The following ASIC2 variants were observed in gnomAD, a reference collection of about 807,000 sequenced individuals.
ASIC2 encodes the protein acid-sensing ion channel 2.
Under a neutral mutation model 57.3 loss-of-function variants are expected in ASIC2, and 25 were observed. The ratio of observed to expected loss-of-function variants is 0.44; its 90% confidence interval spans 0.32 to 0.61. The LOEUF (loss-of-function observed/expected upper bound fraction) is 0.61, where lower values mean the gene tolerates loss of function less well. Ranked by LOEUF, ASIC2 falls within the 20% of genes least tolerant of loss-of-function variation. The pLI, the probability that ASIC2 is intolerant of heterozygous loss-of-function variation, is 0.06. For missense variants in ASIC2, 641 were observed against 738.1 expected (o/e 0.87, Z 1.52); for synonymous variants, 319 against 307.5 (o/e 1.04, Z -0.39).
chr17:33,335,660 C>T (rs1268091755), intron 1 of ASIC2, among the ~76,000 whole-genome samples: 1 of 152,200 alleles, frequency 6.6e-6, no homozygotes, highest in Non-Finnish European at 1.5e-5. Flanking sequence ...CCCGTGGCTA[C>T]CACCAGGGTC....
intron 1 of ASIC2, among the ~76,000 whole-genome samples, chr17:33,826,262 C>T (rs1017369805): frequency 5.9e-5 from 9 of 152,338 alleles, no homozygotes; most frequent in Admixed American, 2.6e-4. Context: ...ATAGAGCTTA[C>T]GTAAGCATAG....
rs73984085 is a variant in ASIC2, at chr17:33,638,556, T to G, written c.555+517422A>C. Among the ~76,000 whole-genome samples the G allele has an allele frequency of 9.6e-3, 1,450 of 151,190 alleles. 27 individuals carry two copies. The highest frequency in any genetic ancestry group is 0.034 in the African/African-American group (1,378 of 40,526). On this transcript the variant is annotated intron_variant, in intron 1 of 9. Coordinates refer to the ASIC2 transcript ENST00000359872. ...CCATTTGCATGAATGCATGCCTGCC[T>G]AGTTTGTACACACACACACACACAC... is the stretch of plus-strand genomic sequence containing the variant.
chr17:33,603,485 G>T (rs16968641), intron 1 of ASIC2, among the ~76,000 whole-genome samples: 5,190 of 152,270 alleles, frequency 0.034, 252 homozygotes, highest in African/African-American at 0.1. Flanking sequence ...TCCTCTGCCT[G>T]GGACTTGGCT....
intron 1 of ASIC2, among the ~76,000 whole-genome samples, chr17:33,389,594 T>C (rs375467045): frequency 6.6e-6 from 1 of 151,970 alleles, no homozygotes; most frequent in African/African-American, 2.4e-5. Context: ...TGAGGCTGGG[T>C]AGGAAATTAA....
At chr17:34,114,401 T>TGAGA (rs942440767) in intron 1 of ASIC2, among the ~76,000 whole-genome samples, 1 of 151,832 alleles carries the variant, frequency 6.6e-6, no homozygotes, top group African/African-American at 2.4e-5. Context: ...TCTGTGAGGG[T>TGAGA]GAGAGAGAGA....
intron 1 of ASIC2, among the ~76,000 whole-genome samples, chr17:33,978,832 C>T (rs940702723): frequency 8.5e-5 from 13 of 152,094 alleles, no homozygotes; most frequent in African/African-American, 3.1e-4. Flanking sequence ...AGTCCTGGTG[C>T]CTATGGAGGG....
chr17:33,416,160 G>A lies in ASIC2; in HGVS notation c.556-304093C>T, dbSNP rs547149272. Among the ~76,000 whole-genome samples, 5 of 152,308 alleles carry A rather than the reference G, an allele frequency of 3.3e-5. No individual in the cohort carries two copies. In the South Asian group the frequency reaches 1.0e-3, roughly 32 times the overall value. ...ATCAGTCATGCACATGTTCTGAGAT[G>A]TGACTATGCTGGAGGTCACTCACAC... On this transcript the variant is annotated intron_variant, in intron 1 of 9. Coordinates refer to the ASIC2 transcript ENST00000359872.
intron 1 of ASIC2, among the ~76,000 whole-genome samples, chr17:33,436,853 CTTTTTTTTTTTTTTT>C (rs71144877): frequency 0.081 from 5,408 of 66,778 alleles, 325 homozygotes; most frequent in African/African-American, 0.21. Flanking sequence ...ATTCCAACTT[CTTTTTTTTTTTTTTT>C]TTTTTTTTTT....
chr17:33,963,032 C>T (rs1210510188), intron 1 of ASIC2, among the ~76,000 whole-genome samples: 2 of 152,154 alleles, frequency 1.3e-5, no homozygotes, highest in South Asian at 4.1e-4. Flanking sequence ...GGTCTCTCCA[C>T]CTCCCAGGTT....
At chr17:33,311,539 A>T (rs1025568633) in intron 1 of ASIC2, among the ~76,000 whole-genome samples, 4 of 152,052 alleles carry the variant, frequency 2.6e-5, no homozygotes, top group Non-Finnish European at 5.9e-5. Context: ...TATTCAAATC[A>T]CAGGTAGGAA....
At chr17:33,464,475 C>CT (rs11367574) in intron 1 of ASIC2, among the ~76,000 whole-genome samples, 4,102 of 72,094 alleles carry the variant, frequency 0.057, 135 homozygotes, top group African/African-American at 0.1. Context: ...TTCTTTCTTT[C>CT]TTTTCTCTCT....
At chr17:33,882,666 G>A (rs561645591) in intron 1 of ASIC2, among the ~76,000 whole-genome samples, 1 of 152,324 alleles carries the variant, frequency 6.6e-6, no homozygotes, top group African/African-American at 2.4e-5. Flanking sequence ...TGGTGGGACT[G>A]TAAACTAGTT....
chr17:33,759,949 C>A (rs1356067363), intron 1 of ASIC2, among the ~76,000 whole-genome samples: 1 of 152,104 alleles, frequency 6.6e-6, no homozygotes, highest in Non-Finnish European at 1.5e-5. Flanking sequence ...CTAGTGGAGC[C>A]ATGGGAACAC....
Position 33,282,362 on chromosome 17 carries a change from C to G in ASIC2, c.708+9046G>C, listed in dbSNP as rs188030581. On this transcript the variant is annotated intron_variant, in intron 1 of 9. Transcript: ENST00000225823. ...CCTTGGCTTTTCCAGCATCTAGAGG[C>G]CATCCATCTTCCCTAACTTGTGCCC... is the stretch of plus-strand genomic sequence containing the variant. Among the ~76,000 whole-genome samples the G allele has an allele frequency of 2.7e-3, 418 of 152,244 alleles. 4 individuals carry two copies. The highest frequency in any genetic ancestry group is 9.5e-3 in the African/African-American group (394 of 41,542).
intron 1 of ASIC2, among the ~76,000 whole-genome samples, chr17:33,859,434 G>A (rs1914046858): frequency 2.0e-5 from 3 of 152,150 alleles, no homozygotes; most frequent in African/African-American, 7.2e-5. Context: ...AGAGAGGCAG[G>A]CAATATTACC....
intron 1 of ASIC2, among the ~76,000 whole-genome samples, chr17:33,700,197 G>T (rs912729388): frequency 6.6e-6 from 1 of 152,096 alleles, no homozygotes; most frequent in South Asian, 2.1e-4. Context: ...CTTGGTAAAT[G>T]GTTAGAATAG....
intron 1 of ASIC2, among the ~76,000 whole-genome samples, chr17:33,231,035 A>C (rs939666198): frequency 1.2e-4 from 19 of 152,228 alleles, no homozygotes; most frequent in Admixed American, 6.5e-5. Context: ...AGAACTAATA[A>C]GCTGCCCAGC....
intron 1 of ASIC2, among the ~76,000 whole-genome samples, chr17:34,136,472 C>A (rs747835361): frequency 6.6e-6 from 1 of 152,180 alleles, no homozygotes; most frequent in Non-Finnish European, 1.5e-5. Context: ...CTTCCACAAC[C>A]CTACTTACTT....
intron 1 of ASIC2, among the ~76,000 whole-genome samples, chr17:33,367,453 A>G (rs1908856522): frequency 6.6e-6 from 1 of 152,180 alleles, no homozygotes; most frequent in Non-Finnish European, 1.5e-5. Context: ...ATCTCACTAA[A>G]GAAAGATACA....
Sources: gnomAD v4.1 joint callset for allele counts (sites outside exome capture counted in the v4.1 genomes callset) on GRCh38, gnomAD v4.1.1 for gene constraint, MANE v1.5 for transcripts, NCBI Gene and HGNC (gene_info 2026-07-23, HGNC 2026-07-21) for gene names.